COLQ: variants seen among roughly 807,000 people sequenced by gnomAD.
COLQ encodes collagen like tail subunit of asymmetric acetylcholinesterase.
Under a neutral mutation model 69.0 loss-of-function variants are expected in COLQ, and 48 were observed. The observed-to-expected ratio is 0.70, with a 90% CI of 0.55 to 0.88. COLQ has a LOEUF of 0.88. Among genes scored for constraint, COLQ ranks in the 40% least tolerant of loss-of-function variants. The pLI is 0.00. For missense variants in COLQ, 618 were observed against 594.6 expected, an observed-to-expected ratio of 1.04 and a Z score of -0.41; for synonymous variants, 217 against 211.2, an observed-to-expected ratio of 1.03 and a Z score of -0.24.
Position 15,521,691 on chromosome 3 carries a change from C to T in COLQ, c.-66G>A. ...TGCTGCGGAGCCTTGCTTATCTCTG[C>T]TTTTCTCTTCCTCACTGCTGTTTGC... On this transcript the variant is annotated 5_prime_UTR_variant, in exon 1 of 17. Coordinates refer to ENST00000383788, the MANE Select transcript of COLQ (RefSeq NM_005677.4). 2.5e-6 allele frequency: 4 copies of T among 1,603,572 alleles called. No homozygotes were observed. Among genetic ancestry groups the T allele is most frequent in the South Asian group, 2.2e-5 (2 of 90,084 alleles).
intron 3 of COLQ, among the ~76,000 whole-genome samples, chr3:15,485,426 T>C (rs2062557976): frequency 6.6e-6 from 1 of 152,170 alleles, no homozygotes; most frequent in South Asian, 2.1e-4. Context: ...TCTTCACAGC[T>C]CAGTTAGAAA....
At chr3:15,479,681 G>C (rs1440630348) in intron 3 of COLQ, among the ~76,000 whole-genome samples, 1 of 152,174 alleles carries the variant, frequency 6.6e-6, no homozygotes, top group Non-Finnish European at 1.5e-5. Context: ...CATCCCAAGT[G>C]CTTGTTGAGA....
Position 15,455,993 on chromosome 3 carries a change from G to A in COLQ, c.1101C>T (p.Tyr367=), listed in dbSNP as rs1341775800. ...IQLTPFYPVD[Y]TADQHGTCGD... is the part of the protein sequence containing the mutation. ...CACAGGTGCCGTGCTGGTCTGCAGTGTAATCCACAGGGTAGAAAGGGGTCA... is the reference window on the plus strand; with the variant it reads ...CACAGGTGCCGTGCTGGTCTGCAGTATAATCCACAGGGTAGAAAGGGGTCA... The change falls in exon 15 of 17, where the codon TAC becomes TAT. Residue 367 remains tyrosine, a synonymous_variant. Coordinates refer to ENST00000383788, the MANE Select transcript of COLQ (RefSeq NM_005677.4). 6.2e-7 allele frequency: 1 copy of A among 1,613,948 alleles called. No individual in the cohort carries two copies.
chr3:15,517,157 A>G lies in COLQ; in HGVS notation c.106+4363T>C, dbSNP rs567884825. On this transcript the variant is annotated intron_variant, in intron 1 of 16. Coordinates refer to ENST00000383788, the MANE Select transcript of COLQ (RefSeq NM_005677.4). ...GACCCTGTCTCGAAAAAACAAACAAAAAAGAATCCAGAGGAGAGTTTCCAG... is the reference window on the plus strand; with the variant it reads ...GACCCTGTCTCGAAAAAACAAACAAGAAAGAATCCAGAGGAGAGTTTCCAG... Among the ~76,000 whole-genome samples the G allele has an allele frequency of 9.9e-5, 15 of 152,282 alleles. No homozygotes were observed. The South Asian group carries it at 2.9e-3, about 29-fold the overall frequency.
chr3:15,460,276 G>A (rs972485650), intron 12 of COLQ, among the ~76,000 whole-genome samples: 1 of 152,158 alleles, frequency 6.6e-6, no homozygotes, highest in East Asian at 1.9e-4. Context: ...AATGAATGCC[G>A]ACTAATTGGA....
intron 3 of COLQ, among the ~76,000 whole-genome samples, chr3:15,483,563 C>T (rs1378259996): frequency 6.6e-6 from 1 of 152,208 alleles, no homozygotes; most frequent in East Asian, 1.9e-4. Context: ...TTTGATTGCA[C>T]TGTGGTCTGA....
chr3:15,466,814 T>C (rs1422373235), intron 11 of COLQ, among the ~76,000 whole-genome samples: 1 of 152,230 alleles, frequency 6.6e-6, no homozygotes, highest in Non-Finnish European at 1.5e-5. Context: ...CTGCGAAGCC[T>C]TGCATGGCTA....
chr3:15,478,950 ACACT>A (rs1200444372), intron 5 of COLQ, 23 bp downstream of exon 5: 2 of 1,614,086 alleles, frequency 1.2e-6, no homozygotes, highest in Admixed American at 1.7e-5. Flanking sequence ...CGCTCATGTG[ACACT>A]CACAGAACAG....
Position 15,514,018 on chromosome 3 carries a change from CA to C in COLQ, c.106+7501del, listed in dbSNP as rs915273965. 7.9e-5 allele frequency among the ~76,000 whole-genome samples: 12 copies of C among 152,262 alleles called. 1 individual carries two copies. The highest frequency in any genetic ancestry group is 1.9e-4 in the East Asian group (1 of 5,186). ...GAATGAGGTAATGTGACCACTGAAG[CA>C]AGATGCTATGCTGCTTGCTTTGAAG... On this transcript the variant is annotated intron_variant, in intron 1 of 16. Coordinates refer to ENST00000383788, the MANE Select transcript of COLQ (RefSeq NM_005677.4).
chr3:15,498,487 G>T, intron 1 of COLQ: 1 of 1,342,338 alleles, frequency 7.4e-7, no homozygotes, highest in East Asian at 2.7e-5. Flanking sequence ...ACACACACAC[G>T]TGCACACACG....
At position 15,458,215 on chromosome 3, in the gene COLQ, A is replaced by G. The variant is rs1044349532; in HGVS notation, c.925T>C (p.Tyr309His). The G allele has an allele frequency of 6.2e-7, 1 of 1,614,032 alleles. No homozygotes were observed. The highest frequency in any genetic ancestry group is 8.5e-7 in the Non-Finnish European group (1 of 1,180,022). Residue 309 changes from tyrosine to histidine, a missense_variant, in exon 13 of 17, where the codon TAT (tyrosine) becomes CAT (histidine). Physicochemically the swap from Tyr to His is moderately conservative, Grantham distance 83. Coordinates refer to ENST00000383788, the MANE Select transcript of COLQ (RefSeq NM_005677.4). ...VNNPSYGESV[Y>H]GPSSPRVPVI... is the part of the protein sequence containing the mutation. The stretch of plus-strand genomic sequence containing the variant: ...GGAACTCGCGGGGAACTGGGCCCAT[A>G]CACAGATTCCCCGTAGGAAGGGTTA...
At chr3:15,500,576 G>C (rs1232210113) in intron 1 of COLQ, among the ~76,000 whole-genome samples, 3 of 152,160 alleles carry the variant, frequency 2.0e-5, no homozygotes, top group Non-Finnish European at 4.4e-5. Flanking sequence ...CTGGGGTCCT[G>C]TCCAACTTGG....
intron 3 of COLQ, among the ~76,000 whole-genome samples, chr3:15,483,288 C>A (rs9844295): frequency 0.027 from 4,083 of 152,214 alleles, 161 homozygotes; most frequent in African/African-American, 0.092. Flanking sequence ...TTCTCTAGTT[C>A]TTTTAATTGT....
chr3:15,492,382 T>C (rs552226761), intron 1 of COLQ, among the ~76,000 whole-genome samples: 1 of 151,992 alleles, frequency 6.6e-6, no homozygotes, highest in South Asian at 2.1e-4. Flanking sequence ...AAATGCTGCA[T>C]AAGGCCGGGC....
At chr3:15,462,672 G>C (rs2062139069) in intron 12 of COLQ, among the ~76,000 whole-genome samples, 1 of 152,144 alleles carries the variant, frequency 6.6e-6, no homozygotes, top group African/African-American at 2.4e-5. Context: ...AGGATCTAGT[G>C]GGAAGATGAA....
chr3:15,477,294 T>C (rs541346417), intron 5 of COLQ, 97 bp from the exon 6 acceptor site: 4 of 1,101,946 alleles, frequency 3.6e-6, no homozygotes, highest in Admixed American at 2.0e-5. Context: ...GACAGTGGGT[T>C]CTCTAGGCAT....
chr3:15,508,428 T>G (rs535006545), intron 1 of COLQ, among the ~76,000 whole-genome samples: 1 of 152,186 alleles, frequency 6.6e-6, no homozygotes, highest in East Asian at 1.9e-4. Context: ...CATAGATGGG[T>G]TGTCTCCCTG....
intron 1 of COLQ, among the ~76,000 whole-genome samples, chr3:15,513,241 T>C (rs1224815796): frequency 6.6e-6 from 1 of 152,182 alleles, no homozygotes. Flanking sequence ...TAACTGTTAC[T>C]GTCCAGAGAG....
chr3:15,467,820 C>G lies in COLQ; in HGVS notation c.718-1383G>C, dbSNP rs878945. 213,557 of 455,128 alleles carry G rather than the reference C, an allele frequency of 0.47. 51,643 individuals carry two copies. Among genetic ancestry groups the G allele is most frequent in the East Asian group, 0.62 (8,910 of 14,342 alleles). The allele number at this position is 455,128 out of a possible 1,614,324, so 28.2% of individuals were successfully genotyped here. On this transcript the variant is annotated intron_variant, in intron 11 of 16. Transcript: ENST00000383788. ...TGGGGAGCAGGCAGGCTTGGGACTC[C>G]TTTCCAGCCACAACGGTGACAGGTG...
Sources: gnomAD v4.1 joint callset for allele counts (sites outside exome capture counted in the v4.1 genomes callset) on GRCh38, gnomAD v4.1.1 for gene constraint, MANE v1.5 for transcripts, NCBI Gene and HGNC (gene_info 2026-07-23, HGNC 2026-07-21) for gene names.